RBMS1: variants seen among roughly 807,000 people sequenced by gnomAD.
RBMS1 encodes RNA binding motif single stranded interacting protein 1.
A neutral mutation model predicts 62.3 loss-of-function variants in RBMS1; 17 were observed. That is an observed-to-expected ratio of 0.27 (90% CI 0.19 to 0.41). The LOEUF is 0.41. RBMS1 is among the 10% of genes least tolerant of loss of function. The pLI is 1.00. For synonymous variants in RBMS1, 172 were observed against 170.0 expected, an observed-to-expected ratio of 1.01 and a Z score of -0.09; for missense variants, 334 against 504.5, an observed-to-expected ratio of 0.66 and a Z score of 3.24.
rs1276983921 is a variant in RBMS1 at position 160,277,294 on chromosome 2, T to G, written c.1143+9A>C. 1 of 1,598,636 alleles carries G rather than the reference T, an allele frequency of 6.3e-7. No individual in the cohort carries two copies. On this transcript the variant is annotated intron_variant, in intron 12 of 13. Transcript: ENST00000348849. The stretch of plus-strand genomic sequence containing the variant: ...TAGCCAGAATGGTCACTGGATGGTC[T>G]CTACCAACCTCAACAGGAACCGCTG...
chr2:160,488,221 A>G (rs1428421625), intron 1 of RBMS1, among the ~76,000 whole-genome samples: 2 of 152,198 alleles, frequency 1.3e-5, no homozygotes, highest in African/African-American at 4.8e-5. Context: ...CCATCGTCCC[A>G]TTGCTGCCTC....
intron 2 of RBMS1, among the ~76,000 whole-genome samples, chr2:160,327,449 T>C (rs886870304): frequency 3.9e-5 from 6 of 152,204 alleles, no homozygotes; most frequent in Admixed American, 2.0e-4. Context: ...CCATAGACTA[T>C]GAAAAATGTA....
chr2:160,349,639 T>G (rs866659236), intron 2 of RBMS1, among the ~76,000 whole-genome samples: 58 of 152,090 alleles, frequency 3.8e-4, no homozygotes, highest in African/African-American at 1.3e-3. Context: ...TGAGTTTGGC[T>G]ATCAAGATAA....
At chr2:160,301,370 G>A (rs900341731) in intron 5 of RBMS1, among the ~76,000 whole-genome samples, 6 of 152,120 alleles carry the variant, frequency 3.9e-5, no homozygotes, top group Non-Finnish European at 8.8e-5. Flanking sequence ...AAACATTGCT[G>A]GGAACTTAAA....
At chr2:160,428,257 G>C (rs1284574636) in intron 1 of RBMS1, among the ~76,000 whole-genome samples, 1 of 152,016 alleles carries the variant, frequency 6.6e-6, no homozygotes, top group Non-Finnish European at 1.5e-5. Flanking sequence ...CAAAAAACGT[G>C]GGGTGGCCTC....
chr2:160,303,133 T>A (rs1344780217), intron 5 of RBMS1, among the ~76,000 whole-genome samples, 197 bp downstream of exon 5: 1 of 152,222 alleles, frequency 6.6e-6, no homozygotes, highest in Non-Finnish European at 1.5e-5. Context: ...TTTAGTGTGC[T>A]CAGCTTCATG....
At chr2:160,328,313 C>T (rs1247913175) in intron 2 of RBMS1, among the ~76,000 whole-genome samples, 11 of 152,110 alleles carry the variant, frequency 7.2e-5, no homozygotes, top group African/African-American at 2.4e-5. Context: ...AGAGCATTTA[C>T]CTAGACTACC....
At chr2:160,436,964 T>G (rs116472224) in intron 1 of RBMS1, among the ~76,000 whole-genome samples, 1 of 152,154 alleles carries the variant, frequency 6.6e-6, no homozygotes, top group Admixed American at 6.5e-5. Context: ...ATACAGAAAT[T>G]TGAAGGGCAA....
At chr2:160,299,711 G>A (rs570331155) in intron 6 of RBMS1, among the ~76,000 whole-genome samples, 23 of 152,246 alleles carry the variant, frequency 1.5e-4, no homozygotes, top group Admixed American at 1.4e-3. Flanking sequence ...GGAAGCTGAC[G>A]GAGCTTCTAG....
chr2:160,464,428 T>C (rs2105335927), intron 1 of RBMS1, among the ~76,000 whole-genome samples: 1 of 152,374 alleles, frequency 6.6e-6, no homozygotes, highest in African/African-American at 2.4e-5. Flanking sequence ...AATACAGTTG[T>C]ACGTATTTTT....
intron 2 of RBMS1, among the ~76,000 whole-genome samples, chr2:160,355,030 C>G (rs1469652397): frequency 6.6e-6 from 1 of 152,084 alleles, no homozygotes; most frequent in African/African-American, 2.4e-5. Context: ...TCAAAAGTCT[C>G]CAGTTTGAAG....
intron 11 of RBMS1, 98 bp downstream of exon 11, chr2:160,278,450 T>C (rs1025689182): frequency 2.1e-6 from 2 of 957,844 alleles, no homozygotes; most frequent in Admixed American, 4.0e-5. Context: ...AGACATAATC[T>C]GTTATCATAG....
chr2:160,358,251 C>A (rs187127888), intron 2 of RBMS1, among the ~76,000 whole-genome samples: 203 of 152,158 alleles, frequency 1.3e-3, no homozygotes, highest in African/African-American at 4.4e-3. Flanking sequence ...AACTCTTCAA[C>A]ATGGAACCTT....
chr2:160,457,670 A>G (rs1684296562), intron 1 of RBMS1, among the ~76,000 whole-genome samples: 1 of 152,258 alleles, frequency 6.6e-6, no homozygotes, highest in South Asian at 2.1e-4. Context: ...ACCATGAAAG[A>G]TGATCTTACA....
intron 1 of RBMS1, among the ~76,000 whole-genome samples, chr2:160,454,473 T>G (rs1684129791): frequency 6.6e-6 from 1 of 152,026 alleles, no homozygotes; most frequent in Non-Finnish European, 1.5e-5. Context: ...GGTCCTGGGG[T>G]ACCAGGAAGT....
chr2:160,449,612 A>C (rs1011043898), intron 1 of RBMS1, among the ~76,000 whole-genome samples: 4 of 152,184 alleles, frequency 2.6e-5, no homozygotes, highest in African/African-American at 7.2e-5. Context: ...TTTGTTAAAC[A>C]GATGCTTGAA....
intron 9 of RBMS1, 74 bp downstream of exon 9, chr2:160,284,701 A>AGAC: frequency 8.4e-7 from 1 of 1,186,126 alleles, no homozygotes; most frequent in Non-Finnish European, 1.3e-6. Flanking sequence ...CAAAATTTTA[A>AGAC]GACACATAAA....
At chr2:160,388,882 G>T (rs549347859) in intron 1 of RBMS1, among the ~76,000 whole-genome samples, 4 of 152,224 alleles carry the variant, frequency 2.6e-5, no homozygotes, top group Admixed American at 6.5e-5. Context: ...AATCCCCCTG[G>T]GGGGAGGCCT....
chr2:160,275,073 C>T (rs1256948582), intron 13 of RBMS1, among the ~76,000 whole-genome samples: 2 of 152,178 alleles, frequency 1.3e-5, no homozygotes, highest in African/African-American at 4.8e-5. Context: ...TATTCTATAT[C>T]ACCAGGGCAA....
Sources: gnomAD v4.1 joint callset for allele counts (sites outside exome capture counted in the v4.1 genomes callset) on GRCh38, gnomAD v4.1.1 for gene constraint, MANE v1.5 for transcripts, NCBI Gene and HGNC (gene_info 2026-07-23, HGNC 2026-07-21) for gene names.